The following PIK3R5 variants were observed in gnomAD, a reference collection of about 807,000 sequenced individuals.
The protein encoded by PIK3R5 is phosphoinositide-3-kinase regulatory subunit 5.
A neutral mutation model predicts 94.9 loss-of-function variants in PIK3R5; 32 were observed. The ratio of observed to expected loss-of-function variants is 0.34; its 90% CI spans 0.25 to 0.45. The LOEUF is 0.45. Among genes scored for constraint, PIK3R5 ranks in the 20% least tolerant of loss-of-function variants. The pLI, the probability that PIK3R5 is intolerant of heterozygous loss-of-function variation, is 1.00. For missense variants in PIK3R5, 853 were observed against 1,144.6 expected (o/e 0.75, Z 3.68); for synonymous variants, 443 against 479.4 (o/e 0.92, Z 0.99).
chr17:8,889,115 G>A lies in PIK3R5; in HGVS notation c.895+24C>T. 1 of 1,606,580 alleles carries A rather than the reference G, an allele frequency of 6.2e-7. No homozygotes were observed. The highest frequency in any genetic ancestry group is 8.5e-7 in the Non-Finnish European group (1 of 1,175,530). On this transcript the variant is annotated intron_variant, in intron 9 of 18. Coordinates refer to ENST00000447110, the MANE Select transcript of PIK3R5 (RefSeq NM_001142633.3). The surrounding 1 kb of genome is among the most constrained non-coding windows in gnomAD (Gnocchi z 4.1). Reference sequence around the variant, plus strand: ...AGCTCAGGCAGTGTGGGGCATGGGTGTCACCAGGGCCCCGGCTCCTTACCA... The same window carrying A: ...AGCTCAGGCAGTGTGGGGCATGGGTATCACCAGGGCCCCGGCTCCTTACCA...
At position 8,893,529 on chromosome 17, in the gene PIK3R5, A is replaced by G; in HGVS notation, c.482+57T>C. The G allele has an allele frequency of 7.4e-7, 1 of 1,346,810 alleles. No individual in the cohort carries two copies. Among genetic ancestry groups the G allele is most frequent in the South Asian group, 1.2e-5 (1 of 85,604 alleles). 83.4% of individuals were successfully genotyped at this position (1,346,810 alleles called of 1,614,324 possible). On this transcript the variant is annotated intron_variant, in intron 6 of 18. Transcript: ENST00000447110. The surrounding 1 kb of genome is among the most constrained non-coding windows in gnomAD (Gnocchi z 5.1). Reference sequence around the variant, plus strand: ...TGGGGGAGGAGGGTGAAGGTGGAACAGTGCAGGGGTCCCAAACTCCCTCCC... The same window carrying G: ...TGGGGGAGGAGGGTGAAGGTGGAACGGTGCAGGGGTCCCAAACTCCCTCCC...
intron 1 of PIK3R5, among the ~76,000 whole-genome samples, chr17:8,929,004 T>A (rs1272744503): frequency 2.6e-5 from 4 of 152,106 alleles, no homozygotes; most frequent in Non-Finnish European, 4.4e-5. Flanking sequence ...TAAAGGGAGG[T>A]ACAGTTCACT....
rs1447410774 is a variant in PIK3R5, at chr17:8,889,228, A to G, written c.812-6T>C. 6 of 1,611,024 alleles carry G rather than the reference A, an allele frequency of 3.7e-6. No homozygotes were observed. The highest frequency in any genetic ancestry group is 5.1e-6 in the Non-Finnish European group (6 of 1,177,654). ...CTTCCCTGGTTTTGCAGTGTCTGTA[A>G]GAACAGGGAGGATAGGAGAAGAGGG... On this transcript the variant is annotated splice_polypyrimidine_tract_variant and splice_region_variant and intron_variant, in intron 8 of 18. Transcript: ENST00000447110. The surrounding 1 kb of genome is among the most constrained non-coding windows in gnomAD (Gnocchi z 4.1).
At position 8,945,060 on chromosome 17, in the gene PIK3R5, T is replaced by C. The variant is rs149221989; in HGVS notation, c.-14+20536A>G. Reference sequence around the variant, plus strand: ...TGGTGCTTGGGGGTCCAGGAAGCCCTGCTGTGGAGCAGCCCAGAGACCTGG... The same window carrying C: ...TGGTGCTTGGGGGTCCAGGAAGCCCCGCTGTGGAGCAGCCCAGAGACCTGG... On this transcript the variant is annotated intron_variant, in intron 1 of 18. Coordinates refer to ENST00000447110, the MANE Select transcript of PIK3R5 (RefSeq NM_001142633.3). The surrounding 1 kb of genome is among the most constrained non-coding windows in gnomAD (Gnocchi z 4.0). Among the ~76,000 whole-genome samples the C allele has an allele frequency of 6.3e-3, 964 of 152,296 alleles. 18 individuals are homozygous for C. The highest frequency in any genetic ancestry group is 0.02 in the African/African-American group (817 of 41,552).
Position 8,882,311 on chromosome 17 carries a change from G to T in PIK3R5, c.2206-430C>A. The T allele has an allele frequency of 5.2e-6, 1 of 191,952 alleles. No homozygotes were observed. Among genetic ancestry groups the T allele is most frequent in the East Asian group, 1.2e-4 (1 of 8,120 alleles). The allele number at this position is 191,952 out of a possible 1,614,324, so 11.9% of individuals were successfully genotyped here. ...ACCGAAGAACACTTCTTGGTCCTCA[G>T]CTTACTTGACCTTACAGTTCACTGC... is the stretch of plus-strand genomic sequence containing the variant. On this transcript the variant is annotated intron_variant, in intron 15 of 18. Coordinates refer to ENST00000447110, the MANE Select transcript of PIK3R5 (RefSeq NM_001142633.3). The surrounding 1 kb of genome is among the most constrained non-coding windows in gnomAD (Gnocchi z 4.1).
chr17:8,919,731 G>A (rs1344546839), intron 1 of PIK3R5, among the ~76,000 whole-genome samples: 1 of 152,138 alleles, frequency 6.6e-6, no homozygotes, highest in East Asian at 1.9e-4. Flanking sequence ...AGAGCTCAAG[G>A]TTAAGCACAA....
At chr17:8,905,947 T>C (rs2090387774) in intron 3 of PIK3R5, among the ~76,000 whole-genome samples, 1 of 152,048 alleles carries the variant, frequency 6.6e-6, no homozygotes, top group Non-Finnish European at 1.5e-5. Context: ...GCTGTTTCAA[T>C]GTCCCTCTTC....
chr17:8,931,343 A>C (rs1012036076), intron 1 of PIK3R5, among the ~76,000 whole-genome samples: 4 of 152,174 alleles, frequency 2.6e-5, no homozygotes, highest in South Asian at 4.1e-4. Flanking sequence ...GAGAAGGGAT[A>C]ATTGGCACTG....
rs2091055711 is a variant in PIK3R5, at chr17:8,935,460, G to A, written c.-13-23953C>T. 6.6e-6 allele frequency among the ~76,000 whole-genome samples: 1 copy of A among 152,154 alleles called. No homozygotes were observed. The highest frequency in any genetic ancestry group is 2.4e-5 in the African/African-American group (1 of 41,424). ...TCGTTTTTGGCCACCCACAGTGTGG[G>A]CAGGTTGCCTGGGAGACCTGCTTCC... On this transcript the variant is annotated intron_variant, in intron 1 of 18. Transcript: ENST00000447110. The surrounding 1 kb of genome is among the most constrained non-coding windows in gnomAD (Gnocchi z 4.5).
intron 3 of PIK3R5, among the ~76,000 whole-genome samples, chr17:8,908,569 ACAC>A (rs1200244405): frequency 2.0e-4 from 30 of 151,128 alleles, no homozygotes; most frequent in African/African-American, 7.1e-4. Flanking sequence ...ACACACACAC[ACAC>A]AACCATAAAA....
At chr17:8,908,893 C>T (rs1397877024) in intron 3 of PIK3R5, among the ~76,000 whole-genome samples, 181 bp downstream of exon 3, 1 of 152,158 alleles carries the variant, frequency 6.6e-6, no homozygotes, top group Non-Finnish European at 1.5e-5. Context: ...CTGAATGCAC[C>T]CCCTTCTTAG....
At chr17:8,940,869 G>A (rs976124564) in intron 1 of PIK3R5, among the ~76,000 whole-genome samples, 2 of 152,174 alleles carry the variant, frequency 1.3e-5, no homozygotes, top group African/African-American at 4.8e-5. Context: ...CCCCTGCTGT[G>A]TTTTTGAGAG....
intron 3 of PIK3R5, among the ~76,000 whole-genome samples, chr17:8,908,142 C>A (rs1356192277): frequency 6.6e-6 from 1 of 152,190 alleles, no homozygotes; most frequent in South Asian, 2.1e-4. Context: ...GAAGGTTTCT[C>A]GGTCCATTTT....
intron 11 of PIK3R5, 139 bp downstream of exon 11, chr17:8,887,382 C>A: frequency 7.6e-7 from 1 of 1,323,310 alleles, no homozygotes; most frequent in Admixed American, 2.3e-5. Context: ...AATGTCATGT[C>A]CAAGTGCAGG....
At position 8,911,477 on chromosome 17, in the gene PIK3R5, C is replaced by T. The variant is rs150203145; in HGVS notation, c.18G>A (p.Thr6=). The change falls in exon 2 of 19, where the codon ACG becomes ACA. Residue 6 remains threonine, a synonymous_variant. Coordinates refer to ENST00000447110, the MANE Select transcript of PIK3R5 (RefSeq NM_001142633.3). This position sits in a 1 kb window ranked among gnomAD's most constrained non-coding sequence, Gnocchi z 5.3. ...GCTGGATGCGGTCCTCCGTGCATGT[C>T]GTGGCCCCTGGCTGCATCCTGGGTC... is the stretch of plus-strand genomic sequence containing the variant. The part of the protein sequence containing the change: MQPGA[T]TCTEDRIQHA... The T allele has an allele frequency of 1.8e-5, 29 of 1,599,498 alleles. No individual in the cohort carries two copies. The highest frequency in any genetic ancestry group is 1.3e-4 in the African/African-American group (10 of 74,930).
At chr17:8,939,594 G>A (rs954130064) in intron 1 of PIK3R5, among the ~76,000 whole-genome samples, 1 of 152,184 alleles carries the variant, frequency 6.6e-6, no homozygotes, top group Non-Finnish European at 1.5e-5. Context: ...AAAGTGACAC[G>A]AAAACATCTG....
intron 5 of PIK3R5, among the ~76,000 whole-genome samples, chr17:8,902,249 ATTTTTT>A (rs397960477): frequency 5.2e-5 from 4 of 77,222 alleles, no homozygotes; most frequent in South Asian, 4.8e-4. Context: ...TGATATATTA[ATTTTTT>A]TTTTTTTTTT....
rs576600204 is a variant in PIK3R5 at position 8,889,595 on chromosome 17, G to A, written c.812-373C>T. 6.6e-6 allele frequency among the ~76,000 whole-genome samples: 1 copy of A among 152,182 alleles called. No homozygotes were observed. Among genetic ancestry groups the A allele is most frequent in the Non-Finnish European group, 1.5e-5 (1 of 68,030 alleles). On this transcript the variant is annotated intron_variant, in intron 8 of 18. Coordinates refer to ENST00000447110, the MANE Select transcript of PIK3R5 (RefSeq NM_001142633.3). The surrounding 1 kb of genome is among the most constrained non-coding windows in gnomAD (Gnocchi z 4.1). The stretch of plus-strand genomic sequence containing the variant: ...AGTCTGTGCTCCCTTCTATGGTACT[G>A]GAGTCATAGAGACGATGTTTCCCAG...
chr17:8,894,445 G>A (rs1041641563), intron 5 of PIK3R5, among the ~76,000 whole-genome samples: 7 of 152,138 alleles, frequency 4.6e-5, no homozygotes, highest in African/African-American at 1.2e-4. Context: ...CCTGGAGTCC[G>A]GGGATCGGGA....
Sources: allele counts gnomAD v4.1 joint callset (sites outside exome capture counted in the v4.1 genomes callset), GRCh38; gene constraint gnomAD v4.1.1; non-coding constraint Gnocchi (gnomAD v3.1); transcripts MANE v1.5; gene names NCBI Gene and HGNC (gene_info 2026-07-23, HGNC 2026-07-21).